Variants in RGS21 observed in about 807,000 individuals in gnomAD.
The protein encoded by RGS21 is regulator of G protein signaling 21.
RGS21 carries 19 observed loss-of-function variants against 18.7 expected under a neutral mutation model. The ratio of observed to expected loss-of-function variants is 1.01; its 90% confidence interval spans 0.71 to 1.49. The LOEUF is 1.49. Ranked by LOEUF, RGS21 falls within the 40% of genes most tolerant of loss-of-function variation. The pLI is 0.00. For synonymous variants in RGS21, 56 were observed against 57.8 expected, an observed-to-expected ratio of 0.97 and a Z score of 0.14; for missense variants, 194 against 176.8, an observed-to-expected ratio of 1.10 and a Z score of -0.55.
intron 4 of RGS21, among the ~76,000 whole-genome samples, chr1:192,361,786 A>T (rs1398515610): frequency 6.6e-6 from 1 of 152,032 alleles, no homozygotes; most frequent in African/African-American, 2.4e-5. Flanking sequence ...GCTTCAGGTG[A>T]TCCACCCACC....
intron 4 of RGS21, among the ~76,000 whole-genome samples, chr1:192,356,345 G>GT (rs1313580334): frequency 1.3e-5 from 2 of 151,776 alleles, no homozygotes; most frequent in African/African-American, 2.4e-5. Flanking sequence ...TAATAAACAC[G>GT]TAAGTATAAC....
At chr1:192,320,178 T>C (rs1164610018) in intron 1 of RGS21, among the ~76,000 whole-genome samples, 1 of 152,044 alleles carries the variant, frequency 6.6e-6, no homozygotes. Flanking sequence ...GAAAAATAGC[T>C]AATGGGTACT....
At chr1:192,334,500 A>G (rs1482088750) in intron 1 of RGS21, among the ~76,000 whole-genome samples, 1 of 152,158 alleles carries the variant, frequency 6.6e-6, no homozygotes, top group Non-Finnish European at 1.5e-5. Flanking sequence ...TTAAAGTTAT[A>G]TCATGGAAGG....
intron 1 of RGS21, among the ~76,000 whole-genome samples, chr1:192,318,147 T>A (rs571586881): frequency 6.6e-6 from 1 of 152,226 alleles, no homozygotes; most frequent in African/African-American, 2.4e-5. Flanking sequence ...ATCCTGTTAT[T>A]TTTAGACAAT....
Position 192,341,412 on chromosome 1 carries a change from C to T in RGS21, c.-60-1565C>T, listed in dbSNP as rs78245324. On this transcript the variant is annotated intron_variant, in intron 1 of 4. Coordinates refer to ENST00000417209, the MANE Select transcript of RGS21 (RefSeq NM_001039152.3). ...CTAAACCCACTGGACCAAAAGCTGACGGTATTTAGATGTCCCAACAGTATC... is the reference window on the plus strand; with the variant it reads ...CTAAACCCACTGGACCAAAAGCTGATGGTATTTAGATGTCCCAACAGTATC... Among the ~76,000 whole-genome samples the T allele has an allele frequency of 4.9e-3, 740 of 152,132 alleles. 8 individuals carry two copies. The highest frequency in any genetic ancestry group is 9.2e-3 in the Non-Finnish European group (626 of 68,000).
intron 4 of RGS21, among the ~76,000 whole-genome samples, chr1:192,355,359 T>C (rs574271432): frequency 1.3e-5 from 2 of 151,818 alleles, no homozygotes; most frequent in African/African-American, 4.8e-5. Context: ...AAACTAACTA[T>C]TGAAACAACC....
At chr1:192,358,989 G>T (rs1659147109) in intron 4 of RGS21, among the ~76,000 whole-genome samples, 3 of 152,038 alleles carry the variant, frequency 2.0e-5, no homozygotes, top group Non-Finnish European at 4.4e-5. Context: ...AATGTCAGTT[G>T]TGTCAAGACC....
At chr1:192,339,154 T>C (rs1253037932) in intron 1 of RGS21, among the ~76,000 whole-genome samples, 1 of 152,090 alleles carries the variant, frequency 6.6e-6, no homozygotes, top group Admixed American at 6.6e-5. Context: ...TTAACTGTTA[T>C]GGTGTTTTTC....
intron 1 of RGS21, among the ~76,000 whole-genome samples, chr1:192,324,359 A>T (rs1658536916): frequency 6.6e-6 from 1 of 152,110 alleles, no homozygotes; most frequent in African/African-American, 2.4e-5. Context: ...CCTTGTTTAG[A>T]TTTCTCTATT....
At chr1:192,353,225 T>C (rs1659069093) in intron 4 of RGS21, among the ~76,000 whole-genome samples, 1 of 152,104 alleles carries the variant, frequency 6.6e-6, no homozygotes, top group South Asian at 2.1e-4. Flanking sequence ...TAAAGTTAGT[T>C]ACCATATTAC....
chr1:192,334,623 A>C (rs1273791570), intron 1 of RGS21, among the ~76,000 whole-genome samples: 2 of 152,110 alleles, frequency 1.3e-5, no homozygotes, highest in Non-Finnish European at 2.9e-5. Context: ...ACACAGAAAA[A>C]CACAGATGCT....
chr1:192,354,885 T>G (rs945277950), intron 4 of RGS21, among the ~76,000 whole-genome samples: 4 of 151,740 alleles, frequency 2.6e-5, no homozygotes, highest in African/African-American at 9.7e-5. Flanking sequence ...ATTGGACAAT[T>G]TACAATTAAA....
intron 1 of RGS21, among the ~76,000 whole-genome samples, chr1:192,327,472 T>A (rs367854944): frequency 2.4e-4 from 37 of 152,222 alleles, no homozygotes; most frequent in Admixed American, 5.9e-4. Context: ...TTTTTAATTT[T>A]TTTATTTATT....
intron 1 of RGS21, among the ~76,000 whole-genome samples, chr1:192,326,276 C>T (rs932815165): frequency 6.6e-6 from 1 of 151,948 alleles, no homozygotes; most frequent in African/African-American, 2.4e-5. Flanking sequence ...ATGATATAAA[C>T]AATGGTGTTG....
At position 192,366,064 on chromosome 1, in the gene RGS21, T is replaced by TA. The variant is rs746536278; in HGVS notation, c.405dup (p.Leu136ThrfsTer4). 3.1e-6 allele frequency: 5 copies of TA among 1,611,840 alleles called. No individual in the cohort carries two copies. Among genetic ancestry groups the TA allele is most frequent in the African/African-American group, 2.7e-5 (2 of 74,804 alleles). On this transcript the variant is annotated frameshift_variant, in exon 5 of 5. Coordinates refer to ENST00000417209, the MANE Select transcript of RGS21 (RefSeq NM_001039152.3). LOFTEE classifies it high-confidence loss of function. ...CTCGATTTCTGAAGTCAGAGATTTA[T>TA]AAAAAACTGGTAAATAGCCAACAGG...
intron 1 of RGS21, among the ~76,000 whole-genome samples, chr1:192,337,452 T>A (rs1403287178): frequency 6.6e-6 from 1 of 152,064 alleles, no homozygotes; most frequent in East Asian, 1.9e-4. Context: ...TAAAATACTC[T>A]TTTTAAAATT....
chr1:192,359,245 T>TGG (rs796379364), intron 4 of RGS21, among the ~76,000 whole-genome samples: 1 of 152,152 alleles, frequency 6.6e-6, no homozygotes, highest in South Asian at 2.1e-4. Context: ...GCTATTTATG[T>TGG]CAGTAAATAA....
chr1:192,324,150 A>C (rs2102221784), intron 1 of RGS21, among the ~76,000 whole-genome samples: 1 of 137,452 alleles, frequency 7.3e-6, no homozygotes, highest in Non-Finnish European at 1.6e-5. Context: ...TAACTTCATA[A>C]AAACAGCATA....
chr1:192,320,990 G>A (rs999380810), intron 1 of RGS21, among the ~76,000 whole-genome samples: 3 of 151,826 alleles, frequency 2.0e-5, no homozygotes, highest in African/African-American at 4.8e-5. Flanking sequence ...TGTATAACAG[G>A]TAATATTACC....
Sources: allele counts gnomAD v4.1 joint callset (sites outside exome capture counted in the v4.1 genomes callset), GRCh38; gene constraint gnomAD v4.1.1; transcripts MANE v1.5; gene names NCBI Gene and HGNC (gene_info 2026-07-23, HGNC 2026-07-21).